CNTN4: variants seen among roughly 807,000 people sequenced by gnomAD.
CNTN4 encodes contactin 4.
Under a neutral mutation model 122.5 loss-of-function variants are expected in CNTN4, and 77 were observed. That is an observed-to-expected ratio of 0.63 (90% CI 0.52 to 0.76). The LOEUF (loss-of-function observed/expected upper bound fraction) is 0.76. CNTN4 is among the 30% of genes least tolerant of loss of function. The pLI, the probability that CNTN4 is intolerant of heterozygous loss-of-function variation, is 0.00. For synonymous variants in CNTN4, 512 were observed against 447.0 expected (o/e 1.15, Z -1.83); for missense variants, 1,256 against 1,259.1 (o/e 1.00, Z 0.04).
intron 2 of CNTN4, among the ~76,000 whole-genome samples, chr3:2,271,940 CAT>C (rs773724600): frequency 6.6e-6 from 1 of 151,974 alleles, no homozygotes; most frequent in South Asian, 2.1e-4. Flanking sequence ...TTACTAAAAT[CAT>C]GTGTTGTGAA....
At chr3:2,568,418 A>G (rs1426360346) in intron 3 of CNTN4, among the ~76,000 whole-genome samples, 1 of 149,894 alleles carries the variant, frequency 6.7e-6, no homozygotes, top group Non-Finnish European at 1.5e-5. Flanking sequence ...TTTATTGTGT[A>G]GCTTCCTTCT....
chr3:2,927,631 A>G (rs982910458), intron 13 of CNTN4: 5 of 164,152 alleles, frequency 3.0e-5, no homozygotes, highest in East Asian at 1.7e-4. Flanking sequence ...GGGAAATAGT[A>G]TGCCAGTATC....
chr3:2,725,214 C>A (rs929030861), intron 4 of CNTN4, among the ~76,000 whole-genome samples: 1 of 152,130 alleles, frequency 6.6e-6, no homozygotes, highest in African/African-American at 2.4e-5. Flanking sequence ...TTAAAACAGC[C>A]TGATGTGGTT....
rs372451978 is a variant in CNTN4, at chr3:2,888,354, G to A, written c.940+1130G>A. Among the ~76,000 whole-genome samples, 41 of 152,254 alleles carry A rather than the reference G, an allele frequency of 2.7e-4. No individual in the cohort carries two copies. The South Asian group carries it at 8.3e-3, about 31-fold the overall frequency. On this transcript the variant is annotated intron_variant, in intron 10 of 24. Transcript: ENST00000418658. ...TTCCCTAAGGGCTAAACACAATCTA[G>A]CCCTTTGAAAAGACTCCATCACTGA...
At chr3:2,418,721 G>A (rs774753765) in intron 3 of CNTN4, among the ~76,000 whole-genome samples, 8 of 152,114 alleles carry the variant, frequency 5.3e-5, no homozygotes, top group Admixed American at 2.0e-4. Context: ...AAGAACAAAG[G>A]TGTTATATTA....
chr3:2,431,107 A>G (rs1015664922), intron 3 of CNTN4, among the ~76,000 whole-genome samples: 1 of 152,226 alleles, frequency 6.6e-6, no homozygotes, highest in Non-Finnish European at 1.5e-5. Context: ...AAGTGTATTC[A>G]GAGATATTCA....
intron 4 of CNTN4, among the ~76,000 whole-genome samples, chr3:2,668,867 G>A (rs2084329803): frequency 6.6e-6 from 1 of 152,154 alleles, no homozygotes; most frequent in African/African-American, 2.4e-5. Context: ...TTTTGTCGTT[G>A]GTTCTGTTTA....
chr3:2,267,932 A>G (rs2041118841), intron 2 of CNTN4, among the ~76,000 whole-genome samples: 1 of 152,014 alleles, frequency 6.6e-6, no homozygotes, highest in South Asian at 2.1e-4. Flanking sequence ...CTTTTACGCT[A>G]GAGTTATAGT....
At chr3:2,778,509 A>G (rs1163695149) in intron 6 of CNTN4, among the ~76,000 whole-genome samples, 1 of 152,164 alleles carries the variant, frequency 6.6e-6, no homozygotes, top group Non-Finnish European at 1.5e-5. Flanking sequence ...TTTACAGCAT[A>G]TAGAACTCTT....
At chr3:2,183,661 T>A (rs1404273072) in intron 2 of CNTN4, among the ~76,000 whole-genome samples, 1 of 152,182 alleles carries the variant, frequency 6.6e-6, no homozygotes, top group Non-Finnish European at 1.5e-5. Flanking sequence ...TGACCTCAAA[T>A]AAATTAAGAA....
chr3:2,881,911 G>T (rs774164953), intron 8 of CNTN4, among the ~76,000 whole-genome samples: 4 of 152,236 alleles, frequency 2.6e-5, no homozygotes, highest in Non-Finnish European at 5.9e-5. Flanking sequence ...GAGATGAAAT[G>T]GAGAGCCCTA....
chr3:2,362,542 A>G, intron 3 of CNTN4: 2 of 602,816 alleles, frequency 3.3e-6, no homozygotes, highest in Non-Finnish European at 3.1e-6. Flanking sequence ...TAAGAAGCCC[A>G]TTCCTCGGAT....
intron 3 of CNTN4, among the ~76,000 whole-genome samples, chr3:2,553,087 G>A (rs1195681993): frequency 6.6e-6 from 1 of 152,164 alleles, no homozygotes; most frequent in Non-Finnish European, 1.5e-5. Flanking sequence ...TTTCTTCCAG[G>A]TTTGGGGTAG....
chr3:2,209,518 T>A (rs1439646141), intron 2 of CNTN4, among the ~76,000 whole-genome samples: 1 of 151,754 alleles, frequency 6.6e-6, no homozygotes, highest in African/African-American at 2.4e-5. Flanking sequence ...TGAGTCTCCC[T>A]AGTAACAAAA....
chr3:2,349,367 A>G (rs1287119635), intron 3 of CNTN4, among the ~76,000 whole-genome samples: 2 of 152,192 alleles, frequency 1.3e-5, no homozygotes, highest in African/African-American at 4.8e-5. Context: ...CAAAATTGCA[A>G]AACAGTCTTT....
intron 3 of CNTN4, among the ~76,000 whole-genome samples, chr3:2,452,785 T>G (rs1033289456): frequency 2.0e-5 from 3 of 152,130 alleles, no homozygotes; most frequent in African/African-American, 7.2e-5. Context: ...AATCCTCGTA[T>G]GAAGATAAGA....
At chr3:2,749,536 G>C (rs190406316) in intron 6 of CNTN4, among the ~76,000 whole-genome samples, 1 of 152,050 alleles carries the variant, frequency 6.6e-6, no homozygotes, top group African/African-American at 2.4e-5. Flanking sequence ...CACTCCTATG[G>C]CAGAACGTAT....
intron 3 of CNTN4, among the ~76,000 whole-genome samples, chr3:2,525,089 TA>T (rs1324984734): frequency 1.2e-4 from 18 of 152,140 alleles, no homozygotes; most frequent in Admixed American, 5.2e-4. Flanking sequence ...TGTCACTGAA[TA>T]TGACGACCTG....
At chr3:2,485,341 G>T (rs549725337) in intron 3 of CNTN4, among the ~76,000 whole-genome samples, 1 of 152,384 alleles carries the variant, frequency 6.6e-6, no homozygotes, top group East Asian at 1.9e-4. Flanking sequence ...TGTGGCCCCA[G>T]TGCAGGATCC....
Sources: allele counts gnomAD v4.1 joint callset (sites outside exome capture counted in the v4.1 genomes callset), GRCh38; gene constraint gnomAD v4.1.1; transcripts MANE v1.5; gene names NCBI Gene and HGNC (gene_info 2026-07-23, HGNC 2026-07-21).